The following ALS2 variants were observed in gnomAD, a reference collection of about 807,000 sequenced individuals.
ALS2 encodes the protein alsin.
In ALS2, 117 loss-of-function variants were observed where a neutral mutation model predicts 203.4. The ratio of observed to expected loss-of-function variants is 0.58; its 90% confidence interval spans 0.50 to 0.67. The LOEUF (loss-of-function observed/expected upper bound fraction) is 0.67, where lower values mean the gene tolerates loss of function less well. Among genes scored for constraint, ALS2 ranks in the 30% least tolerant of loss-of-function variants. The pLI is 0.00. For synonymous variants in ALS2, 718 were observed against 725.9 expected (o/e 0.99, Z 0.17); for missense variants, 1,715 against 1,989.4 (o/e 0.86, Z 2.62).
chr2:201,761,129 C>T lies in ALS2; in HGVS notation c.865G>A (p.Val289Ile). Residue 289 changes from valine to isoleucine, a missense_variant, in exon 4 of 34, where the codon GTA becomes ATA. Physicochemically the swap from Val to Ile is conservative, Grantham distance 29. Transcript: ENST00000264276. ...TTTGCTACAAGAGTGTTCTCAAATA[C>T]TTCTTCCTGCCTGTCAAGGGTTTCA... is the stretch of plus-strand genomic sequence containing the variant. ...STETLDRQEE[V>I]FENTLVANDQ... is the part of the protein sequence containing the mutation. The T allele has an allele frequency of 6.2e-7, 1 of 1,614,216 alleles. No individual in the cohort carries two copies. Among genetic ancestry groups the T allele is most frequent in the Non-Finnish European group, 8.5e-7 (1 of 1,180,048 alleles).
At chr2:201,702,579 C>T (rs545348321) in intron 33 of ALS2, among the ~76,000 whole-genome samples, 65 of 152,236 alleles carry the variant, frequency 4.3e-4, no homozygotes, top group African/African-American at 1.4e-3. Flanking sequence ...CACTATAACC[C>T]CATCAGTAAT....
rs1689811880 is a variant in ALS2, at chr2:201,707,732, A to C, written c.4403+137T>G. The C allele has an allele frequency of 2.5e-6, 3 of 1,192,414 alleles. No individual in the cohort carries two copies. In the Admixed American group the frequency reaches 5.5e-5, roughly 22 times the overall value. 73.9% of individuals were successfully genotyped at this position (1,192,414 alleles called of 1,614,324 possible). On this transcript the variant is annotated intron_variant, in intron 28 of 33. Coordinates refer to ENST00000264276, the MANE Select transcript of ALS2 (RefSeq NM_020919.4). ...GTGTGAGCCACTGTGGCTGGCCCCA[A>C]CCCTCCTGGCCCCAACCATATCATT...
Position 201,742,988 on chromosome 2 carries a change from T to C in ALS2, c.2171-1134A>G, listed in dbSNP as rs1170684058. 4.6e-5 allele frequency among the ~76,000 whole-genome samples: 7 copies of C among 151,476 alleles called. 1 individual carries two copies. Among genetic ancestry groups the C allele is most frequent in the Admixed American group, 4.0e-4 (6 of 15,174 alleles). ...CAGGTGGCTGAGGCACGAGAATTGC[T>C]TGAACCCAGGAGGTGAAGGTTGCAG... On this transcript the variant is annotated intron_variant, in intron 10 of 33. Transcript: ENST00000264276.
intron 6 of ALS2, 59 bp downstream of exon 6, chr2:201,754,444 C>A: frequency 6.2e-7 from 1 of 1,607,184 alleles, no homozygotes; most frequent in Admixed American, 1.7e-5. Context: ...AGAGACCTTC[C>A]CAGGAGAGAG....
At position 201,743,239 on chromosome 2, in the gene ALS2, G is replaced by C. The variant is rs554365491; in HGVS notation, c.2170+1019C>G. 1.5e-4 allele frequency among the ~76,000 whole-genome samples: 23 copies of C among 152,162 alleles called. No individual in the cohort carries two copies. The South Asian group carries it at 2.9e-3, about 19-fold the overall frequency. On this transcript the variant is annotated intron_variant, in intron 10 of 33. Coordinates refer to ENST00000264276, the MANE Select transcript of ALS2 (RefSeq NM_020919.4). ...GAAAACTTCCTGTTTTCTGACTGTA[G>C]GGCCAAACCCAGAAAAAAAATTTGA...
intron 13 of ALS2, 56 bp downstream of exon 13, chr2:201,733,220 A>T: frequency 6.3e-7 from 1 of 1,580,184 alleles, no homozygotes; most frequent in African/African-American, 1.3e-5. Flanking sequence ...AATCCATACA[A>T]ACAACTATGA....
At chr2:201,750,290 T>G (rs1362055317) in intron 7 of ALS2, among the ~76,000 whole-genome samples, 1 of 152,200 alleles carries the variant, frequency 6.6e-6, no homozygotes, top group African/African-American at 2.4e-5. Context: ...ACACTTTCTG[T>G]ATATTAATTG....
In ALS2 at chr2:201,761,682, T is replaced by C; in HGVS notation, c.312A>G (p.Gly104=). The change falls in exon 4 of 34, where the codon GGA becomes GGG. Residue 104 remains glycine (G), a synonymous_variant. Transcript: ENST00000264276. ...ITVATGSFHS[G]AVTDNGVAYM... ...ACGCGACACCATTGTCTGTCACTGC[T>C]CCACTATGGAAGCTTCCTGTTGCCA... 6.2e-7 allele frequency: 1 copy of C among 1,614,120 alleles called. No individual in the cohort carries two copies. The highest frequency in any genetic ancestry group is 8.5e-7 in the Non-Finnish European group (1 of 1,180,032).
At chr2:201,774,222 T>C (rs1341520665) in intron 1 of ALS2, among the ~76,000 whole-genome samples, 1 of 152,094 alleles carries the variant, frequency 6.6e-6, no homozygotes, top group African/African-American at 2.4e-5. Context: ...GATACAAGGA[T>C]GATGAGGACA....
At chr2:201,705,080 A>G (rs1574655163) in intron 31 of ALS2, 59 bp downstream of exon 31, 1 of 1,478,866 alleles carries the variant, frequency 6.8e-7, no homozygotes. Context: ...TATTAATAAT[A>G]TCTTAATAGA....
In ALS2 at chr2:201,779,174, A is replaced by ATCCCTT. The variant is rs1694787499; in HGVS notation, c.-61+1702_-61+1703insAAGGGA. Reference sequence around the variant, plus strand: ...CAAATGACAGCCCAAATTCTGAAAAACTGAAATTTGGAGAGAAGGGATTCC... The same window carrying ATCCCTT: ...CAAATGACAGCCCAAATTCTGAAAAATCCCTTCTGAAATTTGGAGAGAAGGGATTCC... On this transcript the variant is annotated intron_variant, in intron 1 of 33. Transcript: ENST00000264276. Among the ~76,000 whole-genome samples, 3 of 152,316 alleles carry ATCCCTT rather than the reference A, an allele frequency of 2.0e-5. No individual in the cohort carries two copies. The South Asian group carries it at 6.2e-4, about 32-fold the overall frequency.
intron 23 of ALS2, chr2:201,720,144 G>T: frequency 2.3e-6 from 1 of 434,742 alleles, no homozygotes; most frequent in Non-Finnish European, 4.6e-6. Flanking sequence ...ATCAAAGACA[G>T]ACAAAGACAT....
chr2:201,728,102 AATT>A (rs1359521529), intron 15 of ALS2, among the ~76,000 whole-genome samples: 3 of 152,156 alleles, frequency 2.0e-5, no homozygotes, highest in South Asian at 4.1e-4. Flanking sequence ...TTTTAAAAAA[AATT>A]ATTATTATAC....
chr2:201,718,128 G>A lies in ALS2; in HGVS notation c.3785C>T (p.Thr1262Ile), dbSNP rs1553503506. Reference sequence around the variant, plus strand: ...CTCATATAGACTAGGTTTGAAGTAGGTTCCAGTGATTTTTATCCCAGATCC... The same window carrying A: ...CTCATATAGACTAGGTTTGAAGTAGATTCCAGTGATTTTTATCCCAGATCC... The part of the protein sequence containing the change: ...EWGSGIKITG[T>I]YFKPSLYESD... The change falls in exon 24 of 34, where the codon ACC (threonine) becomes ATC (isoleucine). Residue 1262 changes from threonine (T) to isoleucine (I), a missense_variant. By Grantham distance (89) the Thr-to-Ile change is moderately conservative. This residue lies in a region of ALS2 where 1,227 missense variants were observed against 1,413.5 expected (regional missense o/e 0.87). Transcript: ENST00000264276. The A allele has an allele frequency of 1.9e-6, 3 of 1,613,708 alleles. No homozygotes were observed. Among genetic ancestry groups the A allele is most frequent in the South Asian group, 1.1e-5 (1 of 91,066 alleles).
At chr2:201,709,388 GTT>G (rs1190823570) in intron 27 of ALS2, among the ~76,000 whole-genome samples, 59 of 152,224 alleles carry the variant, frequency 3.9e-4, no homozygotes, top group African/African-American at 1.3e-3. Flanking sequence ...AGCAAAGACT[GTT>G]TGTCTTTGTT....
Position 201,727,219 on chromosome 2 carries a change from T to C in ALS2, c.2972A>G (p.Gln991Arg). 2 of 1,613,090 alleles carry C rather than the reference T, an allele frequency of 1.2e-6. No individual in the cohort carries two copies. Among genetic ancestry groups the C allele is most frequent in the Non-Finnish European group, 1.7e-6 (2 of 1,179,054 alleles). Residue 991 changes from glutamine to arginine, a missense_variant, in exon 17 of 34, where the codon CAG (glutamine) becomes CGG (arginine). Gln to Arg is a conservative substitution (Grantham distance 43). Transcript: ENST00000264276. ...EQFTLISSTP[Q>R]EKTKWLRAIS... is the part of the protein sequence containing the mutation. ...ATACCATAATAGACTAACCTTTTCC[T>C]GGGGTGTAGATGAAATGAGAGTGAA...
intron 6 of ALS2, among the ~76,000 whole-genome samples, chr2:201,754,026 T>C (rs1693231688): frequency 6.6e-6 from 1 of 152,032 alleles, no homozygotes; most frequent in Non-Finnish European, 1.5e-5. Flanking sequence ...TTTTTTTTTT[T>C]TGAGATAAGA....
In ALS2 at chr2:201,710,912, T is replaced by A. The variant is rs1382831150; in HGVS notation, c.4122+79A>T. 7 of 904,914 alleles carry A rather than the reference T, an allele frequency of 7.7e-6. No individual in the cohort carries two copies. In the East Asian group the frequency reaches 1.7e-4, roughly 22 times the overall value. The allele number at this position is 904,914 out of a possible 1,614,324, so 56.1% of individuals were successfully genotyped here. ...AAACAGGATTAGAATAACATTAAGC[T>A]GTGAGTCTATCTGAATGATATATTG... On this transcript the variant is annotated intron_variant, in intron 26 of 33. Transcript: ENST00000264276.
intron 24 of ALS2, 115 bp downstream of exon 24, chr2:201,717,962 A>G (rs1690518359): frequency 9.4e-7 from 1 of 1,069,224 alleles, no homozygotes; most frequent in African/African-American, 1.6e-5. Flanking sequence ...AAAATAAAAT[A>G]AAAAAGAAGA....
Sources: allele counts gnomAD v4.1 joint callset (sites outside exome capture counted in the v4.1 genomes callset), GRCh38; gene constraint gnomAD v4.1.1; regional missense constraint gnomAD v4.1.1; transcripts MANE v1.5; gene names NCBI Gene and HGNC (gene_info 2026-07-23, HGNC 2026-07-21).